Variants in COIL observed in about 807,000 individuals in gnomAD.
COIL encodes the protein coilin p80.
In COIL, 28 loss-of-function variants were observed where a neutral mutation model predicts 51.6. The ratio of observed to expected loss-of-function variants is 0.54; its 90% confidence interval spans 0.40 to 0.74. The LOEUF is 0.74. Ranked by LOEUF, COIL falls within the 30% of genes least tolerant of loss-of-function variation. The probability of loss-of-function intolerance (pLI) is 0.00; values close to 1 mark genes in which losing one functional copy is unlikely to be tolerated. For synonymous variants in COIL, 233 were observed against 255.8 expected, an observed-to-expected ratio of 0.91 and a Z score of 0.85; for missense variants, 667 against 685.9, an observed-to-expected ratio of 0.97 and a Z score of 0.31.
intron 1 of COIL, among the ~76,000 whole-genome samples, chr17:56,956,099 C>G (rs563605647): frequency 6.6e-6 from 1 of 152,224 alleles, no homozygotes; most frequent in South Asian, 2.1e-4. Context: ...AAGATATACC[C>G]CATACCCCAA....
At chr17:56,947,122 C>T (rs1910263836) in intron 4 of COIL, among the ~76,000 whole-genome samples, 1 of 152,128 alleles carries the variant, frequency 6.6e-6, no homozygotes, top group Non-Finnish European at 1.5e-5. Context: ...ACATGGTAGC[C>T]TCCGGGGGTA....
Position 56,942,111 on chromosome 17 carries a change from G to A in COIL, c.1571C>T (p.Pro524Leu), listed in dbSNP as rs761145108. The A allele has an allele frequency of 1.2e-6, 2 of 1,613,724 alleles. No homozygotes were observed. Among genetic ancestry groups the A allele is most frequent in the Non-Finnish European group, 1.7e-6 (2 of 1,179,782 alleles). The change falls in exon 6 of 7, where the codon CCT becomes CTT. Residue 524 changes from proline to leucine, a missense_variant. Pro to Leu is a moderately conservative substitution (Grantham distance 98). Transcript: ENST00000240316. ...GTGATAAACTAAATCAAATTTCCCA[G>A]GTTCTCTCAAGGCTGAAACAAGAAG... is the stretch of plus-strand genomic sequence containing the variant. Reference protein sequence around the residue: ...ILSSLPALREPGKFDLVYHNE... With the variant: ...ILSSLPALRELGKFDLVYHNE...
chr17:56,941,570 A>G (rs1910148819), intron 6 of COIL, among the ~76,000 whole-genome samples: 1 of 152,210 alleles, frequency 6.6e-6, no homozygotes, highest in Non-Finnish European at 1.5e-5. Flanking sequence ...ACTCTCTCAA[A>G]AAAACAAAAG....
At chr17:56,952,955 C>T (rs78909625) in intron 1 of COIL, among the ~76,000 whole-genome samples, 3,652 of 152,210 alleles carry the variant, frequency 0.024, 158 homozygotes, top group African/African-American at 0.084. Flanking sequence ...TGAGACTGTC[C>T]TCAATGTTAA....
At chr17:56,960,225 A>T (rs1467056554) in intron 1 of COIL, among the ~76,000 whole-genome samples, 1 of 149,106 alleles carries the variant, frequency 6.7e-6, no homozygotes, top group Non-Finnish European at 1.5e-5. Flanking sequence ...CTCAGTCTCA[A>T]AAATAAAAAT....
At chr17:56,946,005 C>A (rs537555862) in intron 5 of COIL, among the ~76,000 whole-genome samples, 1 of 152,100 alleles carries the variant, frequency 6.6e-6, no homozygotes, top group African/African-American at 2.4e-5. Flanking sequence ...TGTGAGCCAC[C>A]GTGCCCAGCC....
intron 1 of COIL, chr17:56,951,754 G>C (rs1262136065): frequency 1.3e-5 from 2 of 150,836 alleles, no homozygotes; most frequent in South Asian, 2.1e-4. Context: ...ATTAGGCCGA[G>C]CTCCAAAGTA....
At chr17:56,956,329 C>T (rs957015295) in intron 1 of COIL, among the ~76,000 whole-genome samples, 7 of 152,192 alleles carry the variant, frequency 4.6e-5, no homozygotes, top group African/African-American at 1.7e-4. Flanking sequence ...GCCTCAACTT[C>T]TGAGGCTCAA....
rs1437264270 is a variant in COIL at position 56,960,802 on chromosome 17, C to T, written c.218G>A (p.Arg73His). The T allele has an allele frequency of 1.3e-6, 2 of 1,589,036 alleles. No homozygotes were observed. Among genetic ancestry groups the T allele is most frequent in the Non-Finnish European group, 1.7e-6 (2 of 1,169,090 alleles). Residue 73 changes from arginine to histidine, a missense_variant, in exon 1 of 7, where the codon CGC becomes CAC. Arg to His is a conservative substitution (Grantham distance 29). Coordinates refer to ENST00000240316, the MANE Select transcript of COIL (RefSeq NM_004645.3). Reference protein sequence around the residue: ...GGLLPPAESARLVRDNDCLRV... With the variant: ...GGLLPPAESAHLVRDNDCLRV... ...GAGGCAGTCGTTGTCTCTCACAAGG[C>T]GCGCGCTCTCGGCGGGGGGCAAGAG...
intron 1 of COIL, 37 bp downstream of exon 1, chr17:56,960,738 C>T: frequency 4.1e-6 from 6 of 1,470,980 alleles, no homozygotes; most frequent in Non-Finnish European, 5.4e-6. Flanking sequence ...CCCCCGCCCG[C>T]CGCCCACCCG....
Position 56,949,825 on chromosome 17 carries a change from A to T in COIL, c.1354-58T>A. ...ACTGGTGAGAAAATGTGAATCCATGACATGAACTCCACACACATTCTAAGG... is the reference window on the plus strand; with the variant it reads ...ACTGGTGAGAAAATGTGAATCCATGTCATGAACTCCACACACATTCTAAGG... On this transcript the variant is annotated intron_variant, in intron 2 of 6. Transcript: ENST00000240316. 4 of 1,611,426 alleles carry T rather than the reference A, an allele frequency of 2.5e-6. No homozygotes were observed. The Admixed American group carries it at 6.7e-5, about 27-fold the overall frequency.
rs1315936044 is a variant in COIL, at chr17:56,960,891, A to C, written c.129T>G (p.Ser43Arg). ...NRCRVVTDLI[S>R]LIRQRFGFSS... ...TGAAGCCGAAGCGCTGGCGGATGAGACTAATGAGATCTGTGACGACTCGGC... is the reference window on the plus strand; with the variant it reads ...TGAAGCCGAAGCGCTGGCGGATGAGCCTAATGAGATCTGTGACGACTCGGC... The change falls in exon 1 of 7, where the codon AGT (serine) becomes AGG (arginine). Residue 43 changes from serine (S) to arginine (R), a missense_variant. Transcript: ENST00000240316. The C allele has an allele frequency of 6.2e-7, 1 of 1,614,138 alleles. No homozygotes were observed. The highest frequency in any genetic ancestry group is 1.7e-5 in the Admixed American group (1 of 60,032).
intron 1 of COIL, among the ~76,000 whole-genome samples, chr17:56,960,441 T>C (rs1311837558): frequency 6.6e-6 from 1 of 150,988 alleles, no homozygotes; most frequent in Non-Finnish European, 1.5e-5. Flanking sequence ...GGAAAATTGC[T>C]TGAACCCGGG....
Position 56,950,730 on chromosome 17 carries a change from C to T in COIL, c.512G>A (p.Gly171Asp). ...CTCTTCGTTATCATCACCCACTGTG[C>T]CACAGGTTGCTTTATTTTTTCTCTT... ...KNKRKNKATC[G>D]TVGDDNEEAK... The change falls in exon 2 of 7, where the codon GGC becomes GAC. Residue 171 changes from glycine to aspartate, a missense_variant. Coordinates refer to ENST00000240316, the MANE Select transcript of COIL (RefSeq NM_004645.3). 1 of 1,613,972 alleles carries T rather than the reference C, an allele frequency of 6.2e-7. No individual in the cohort carries two copies. The highest frequency in any genetic ancestry group is 1.3e-5 in the African/African-American group (1 of 75,012).
chr17:56,940,875 G>A (rs8065205), intron 6 of COIL, among the ~76,000 whole-genome samples: 2 of 151,852 alleles, frequency 1.3e-5, no homozygotes, highest in African/African-American at 4.8e-5. Flanking sequence ...TGGCTCACAC[G>A]TGTAATCCTA....
At chr17:56,952,113 C>T (rs374269816) in intron 1 of COIL, 90 of 419,694 alleles carry the variant, frequency 2.1e-4, no homozygotes, top group South Asian at 1.5e-3. Flanking sequence ...CCAGCCCCAT[C>T]GTCCAGTTTC....
At chr17:56,959,298 C>T (rs560208110) in intron 1 of COIL, among the ~76,000 whole-genome samples, 110 of 152,050 alleles carry the variant, frequency 7.2e-4, no homozygotes, top group Middle Eastern at 3.4e-3. Flanking sequence ...AAGCTATGAT[C>T]GTACCACTGC....
Position 56,950,928 on chromosome 17 carries a change from G to C in COIL, c.314C>G (p.Ser105Cys), listed in dbSNP as rs752904171. 6.2e-7 allele frequency: 1 copy of C among 1,613,324 alleles called. No individual in the cohort carries two copies. Residue 105 changes from serine (S) to cysteine (C), a missense_variant, in exon 2 of 7, where the codon TCT becomes TGT. Physicochemically the swap from Ser to Cys is moderately radical, Grantham distance 112 (BLOSUM62 -1). Transcript: ENST00000240316. ...TGCCCGCTTCTTTGCTTTTCTAAGA[G>C]ATAAATTAATGTCACCATTACTGAT... ...VVISNGDINL[S>C]LRKAKKRAFQ...
chr17:56,939,743 A>AAAAT (rs60161322), intron 6 of COIL, among the ~76,000 whole-genome samples: 4,115 of 152,154 alleles, frequency 0.027, 79 homozygotes, highest in Non-Finnish European at 0.041. Flanking sequence ...CTGTGCTGGG[A>AAAAT]AAATAAATAA....
Sources: gnomAD v4.1 joint callset for allele counts (sites outside exome capture counted in the v4.1 genomes callset) on GRCh38, gnomAD v4.1.1 for gene constraint, MANE v1.5 for transcripts, NCBI Gene and HGNC (gene_info 2026-07-23, HGNC 2026-07-21) for gene names.